SYCE2: variants seen among roughly 807,000 people sequenced by gnomAD.
The protein encoded by SYCE2 is synaptonemal complex central element protein 2.
A neutral mutation model predicts 27.9 loss-of-function variants in SYCE2; 3 were observed. The observed-to-expected ratio is 0.11, with a 90% CI of 0.05 to 0.28. SYCE2 has a LOEUF of 0.28. Ranked by LOEUF, SYCE2 falls within the 10% of genes least tolerant of loss-of-function variation. The probability of loss-of-function intolerance (pLI) is 1.00; values close to 1 mark genes in which losing one functional copy is unlikely to be tolerated. For synonymous variants in SYCE2, 85 were observed against 100.7 expected (o/e 0.84, Z 0.93); for missense variants, 207 against 263.5 (o/e 0.79, Z 1.48).
chr19:12,903,459 G>A (rs1274177796), intron 3 of SYCE2, among the ~76,000 whole-genome samples: 3 of 135,332 alleles, frequency 2.2e-5, no homozygotes, highest in East Asian at 2.2e-4. Context: ...GTGCAATCTC[G>A]GCTCACTGCA....
intron 2 of SYCE2, among the ~76,000 whole-genome samples, chr19:12,910,761 T>A (rs1333758249): frequency 1.3e-5 from 2 of 151,600 alleles, no homozygotes; most frequent in Non-Finnish European, 2.9e-5. Context: ...CACTGCAAGC[T>A]CTGCCTCCCG....
chr19:12,904,808 G>C (rs1418008555), intron 2 of SYCE2, 142 bp from the exon 3 acceptor site: 4 of 910,532 alleles, frequency 4.4e-6, no homozygotes, highest in South Asian at 1.7e-5. Flanking sequence ...AGACCAGCCT[G>C]GCAACATGGT....
chr19:12,918,133 C>T (rs1971169319), intron 2 of SYCE2, 89 bp downstream of exon 2: 3 of 1,122,186 alleles, frequency 2.7e-6, no homozygotes, highest in Non-Finnish European at 4.0e-6. Flanking sequence ...AAAAAAGCAG[C>T]AGACACTGGC....
intron 1 of SYCE2, 102 bp from the exon 2 acceptor site, chr19:12,918,439 C>A (rs900505316): frequency 2.7e-6 from 3 of 1,102,922 alleles, no homozygotes; most frequent in African/African-American, 3.1e-5. Flanking sequence ...TGTGCTGCTG[C>A]GGGACGGTGG....
chr19:12,907,271 T>C (rs1479121021), intron 2 of SYCE2, among the ~76,000 whole-genome samples: 3 of 152,156 alleles, frequency 2.0e-5, no homozygotes, highest in African/African-American at 7.2e-5. Flanking sequence ...TGGAGGACAG[T>C]CTGTGGCAGA....
At position 12,900,521 on chromosome 19, in the gene SYCE2, T is replaced by A; in HGVS notation, c.434A>T (p.Glu145Val). ...KMAKISHLET[E>V]LKQVCHSVET... ...CACGCTGTGGCAGACTTGTTTGAGCTCTGTCTCCAAATGGCTGATCTTTGC... is the reference window on the plus strand; with the variant it reads ...CACGCTGTGGCAGACTTGTTTGAGCACTGTCTCCAAATGGCTGATCTTTGC... Residue 145 changes from glutamate to valine, a missense_variant, in exon 4 of 6, where the codon GAG becomes GTG. By Grantham distance (121) the Glu-to-Val change is moderately radical (BLOSUM62 -2). Coordinates refer to ENST00000293695, the MANE Select transcript of SYCE2 (RefSeq NM_001105578.2). The A allele has an allele frequency of 1.2e-6, 2 of 1,614,190 alleles. No individual in the cohort carries two copies. The highest frequency in any genetic ancestry group is 1.7e-6 in the Non-Finnish European group (2 of 1,180,050).
At chr19:12,910,555 T>G (rs1971025869) in intron 2 of SYCE2, among the ~76,000 whole-genome samples, 2 of 151,600 alleles carry the variant, frequency 1.3e-5, no homozygotes, top group Non-Finnish European at 2.9e-5. Flanking sequence ...GTATTTTTAG[T>G]AGAGACAGGG....
At chr19:12,918,387 C>A in intron 1 of SYCE2, 50 bp from the exon 2 acceptor site, 1 of 1,538,388 alleles carries the variant, frequency 6.5e-7, no homozygotes, top group African/African-American at 1.4e-5. Flanking sequence ...GAGGAGTGAA[C>A]AGATCGCCCT....
chr19:12,899,435 A>G (rs1313968927), intron 5 of SYCE2, 50 bp from the exon 6 acceptor site: 1 of 1,613,126 alleles, frequency 6.2e-7, no homozygotes, highest in Non-Finnish European at 8.5e-7. Flanking sequence ...AGCTATGAAA[A>G]CTCCAAACCG....
At chr19:12,912,568 C>T (rs999806602) in intron 2 of SYCE2, among the ~76,000 whole-genome samples, 1 of 152,200 alleles carries the variant, frequency 6.6e-6, no homozygotes, top group African/African-American at 2.4e-5. Context: ...TCCCACACCT[C>T]CTCGTACCCA....
chr19:12,899,986 C>T lies in SYCE2; in HGVS notation c.612+18G>A, dbSNP rs374710434. The stretch of plus-strand genomic sequence containing the variant: ...CACATCTGACCCCAAGGTGTCAGGC[C>T]GGTTTACTGGTAACCACCTGAGAAG... On this transcript the variant is annotated intron_variant, in intron 5 of 5. Transcript: ENST00000293695. 9.3e-5 allele frequency: 150 copies of T among 1,612,794 alleles called. 2 individuals carry two copies. The highest frequency in any genetic ancestry group is 5.8e-4 in the East Asian group (26 of 44,882).
At chr19:12,906,696 C>T (rs1434428243) in intron 2 of SYCE2, among the ~76,000 whole-genome samples, 1 of 152,002 alleles carries the variant, frequency 6.6e-6, no homozygotes, top group East Asian at 1.9e-4. Context: ...ATCACAAGGG[C>T]AGGAGTTCGA....
Position 12,900,520 on chromosome 19 carries a change from C to T in SYCE2, c.435G>A (p.Glu145=). 6.2e-7 allele frequency: 1 copy of T among 1,614,146 alleles called. No individual in the cohort carries two copies. Residue 145 remains glutamate (E), a synonymous_variant, in exon 4 of 6, where the codon GAG becomes GAA. Transcript: ENST00000293695. The part of the protein sequence containing the change: ...KMAKISHLET[E]LKQVCHSVET... ...CCACGCTGTGGCAGACTTGTTTGAGCTCTGTCTCCAAATGGCTGATCTTTG... is the reference window on the plus strand; with the variant it reads ...CCACGCTGTGGCAGACTTGTTTGAGTTCTGTCTCCAAATGGCTGATCTTTG...
intron 2 of SYCE2, 77 bp downstream of exon 2, chr19:12,918,145 T>C: frequency 7.9e-7 from 1 of 1,258,108 alleles, no homozygotes; most frequent in South Asian, 1.2e-5. Flanking sequence ...GACACTGGCA[T>C]AGCCTTGTGG....
intron 4 of SYCE2, 32 bp downstream of exon 4, chr19:12,900,422 TTCCTCA>T: frequency 1.2e-6 from 2 of 1,600,016 alleles, no homozygotes; most frequent in Non-Finnish European, 8.5e-7. Flanking sequence ...CCCTGTCCTC[TTCCTCA>T]GGCAGCGCCC....
chr19:12,910,664 C>T (rs889312950), intron 2 of SYCE2, among the ~76,000 whole-genome samples: 43 of 151,682 alleles, frequency 2.8e-4, no homozygotes, highest in Admixed American at 9.9e-4. Flanking sequence ...TGAGCCACCA[C>T]GCCTGACCTT....
At chr19:12,919,215 G>T in intron 1 of SYCE2, 28 bp downstream of exon 1, 1 of 1,610,094 alleles carries the variant, frequency 6.2e-7, no homozygotes. Flanking sequence ...CCCGCCCCAC[G>T]CGCGAGAAGG....
At chr19:12,916,710 C>T (rs905062887) in intron 2 of SYCE2, among the ~76,000 whole-genome samples, 2 of 152,186 alleles carry the variant, frequency 1.3e-5, no homozygotes, top group African/African-American at 4.8e-5. Context: ...GTCCTCCCAC[C>T]TCAGCCTTCC....
chr19:12,912,296 C>T (rs547598473), intron 2 of SYCE2, among the ~76,000 whole-genome samples: 1 of 151,854 alleles, frequency 6.6e-6, no homozygotes, highest in South Asian at 2.1e-4. Context: ...CCACAATTTC[C>T]CCAAACATGT....
Sources: allele counts gnomAD v4.1 joint callset (sites outside exome capture counted in the v4.1 genomes callset), GRCh38; gene constraint gnomAD v4.1.1; transcripts MANE v1.5; gene names NCBI Gene and HGNC (gene_info 2026-07-23, HGNC 2026-07-21).